Variants in FAM228B observed in about 807,000 individuals in gnomAD.
FAM228B encodes family with sequence similarity 228 member B, also known as protein FAM228B.
A neutral mutation model predicts 42.6 loss-of-function variants in FAM228B; 38 were observed. The observed-to-expected ratio is 0.89, with a 90% confidence interval of 0.69 to 1.17. FAM228B has a LOEUF of 1.17. FAM228B is among the 50% of genes most tolerant of loss of function. The probability of loss-of-function intolerance (pLI) is 0.00; values close to 1 mark genes in which losing one functional copy is unlikely to be tolerated. For missense variants in FAM228B, 344 were observed against 367.3 expected (o/e 0.94, Z 0.52); for synonymous variants, 109 against 122.3 (o/e 0.89, Z 0.72).
intron 3 of FAM228B, among the ~76,000 whole-genome samples, chr2:24,137,016 C>G (rs1171900593): frequency 6.6e-6 from 1 of 152,134 alleles, no homozygotes; most frequent in Non-Finnish European, 1.5e-5. Context: ...ATGTGGAATC[C>G]TGTACTATTT....
intron 3 of FAM228B, among the ~76,000 whole-genome samples, chr2:24,104,547 C>A (rs778520568): frequency 6.6e-6 from 1 of 152,108 alleles, no homozygotes; most frequent in African/African-American, 2.4e-5. Flanking sequence ...GGTAGCCAGG[C>A]GGGCAACACC....
At chr2:24,158,008 A>T (rs1255182421) in intron 7 of FAM228B, among the ~76,000 whole-genome samples, 1 of 152,078 alleles carries the variant, frequency 6.6e-6, no homozygotes, top group Non-Finnish European at 1.5e-5. Context: ...ATGTCATGTT[A>T]CTGCCCAACT....
intron 5 of FAM228B, among the ~76,000 whole-genome samples, chr2:24,141,227 A>G (rs1666738177): frequency 6.6e-6 from 1 of 151,672 alleles, no homozygotes; most frequent in Non-Finnish European, 1.5e-5. Flanking sequence ...GGCACACGCC[A>G]CCAGGCCTGG....
intron 5 of FAM228B, among the ~76,000 whole-genome samples, chr2:24,144,960 C>T (rs933398935): frequency 6.6e-5 from 10 of 152,214 alleles, no homozygotes; most frequent in Admixed American, 3.3e-4. Context: ...CTCCTGCACG[C>T]GCCAACTGGT....
intron 7 of FAM228B, among the ~76,000 whole-genome samples, chr2:24,160,469 C>A (rs1337755590): frequency 6.6e-6 from 1 of 152,080 alleles, no homozygotes; most frequent in Non-Finnish European, 1.5e-5. Context: ...ATTAGGCCTT[C>A]TTATTATCTT....
chr2:24,157,140 T>C (rs1667168254), intron 7 of FAM228B, among the ~76,000 whole-genome samples: 1 of 152,216 alleles, frequency 6.6e-6, no homozygotes, highest in Non-Finnish European at 1.5e-5. Context: ...GTTTTGAGGG[T>C]TCCTTTTGGA....
chr2:24,089,966 TAAAAAAAAAGAAAAA>T (rs1665348232), intron 2 of FAM228B, among the ~76,000 whole-genome samples: 1 of 21,272 alleles, frequency 4.7e-5, no homozygotes, highest in African/African-American at 1.8e-4. Flanking sequence ...AAACTCCGTC[TAAAAAAAAAGAAAAA>T]AAAAAAAAAA....
In FAM228B at chr2:24,084,195, T is replaced by G. The variant is rs1052285904; in HGVS notation, c.-210+3240T>G. 1 of 1,612,134 alleles carries G rather than the reference T, an allele frequency of 6.2e-7. No homozygotes were observed. Among genetic ancestry groups the G allele is most frequent in the African/African-American group, 1.3e-5 (1 of 74,862 alleles). Reference sequence around the variant, plus strand: ...GCGGCTGAGCCCTGGGTACCTGCATTAAGTCCGCCCGGTTCAGGGCGCTGG... The same window carrying G: ...GCGGCTGAGCCCTGGGTACCTGCATGAAGTCCGCCCGGTTCAGGGCGCTGG... On this transcript the variant is annotated intron_variant, in intron 2 of 10. Coordinates refer to the FAM228B transcript ENST00000613899. This position sits in a 1 kb window ranked among gnomAD's most constrained non-coding sequence, Gnocchi z 8.4.
intron 1 of FAM228B, chr2:24,079,654 C>T (rs1272003640): frequency 1.9e-6 from 3 of 1,611,616 alleles, no homozygotes; most frequent in Admixed American, 1.7e-5. Context: ...CCATAGGAAA[C>T]AGATTTGTGA....
At chr2:24,151,219 T>C (rs1667013392) in intron 7 of FAM228B, among the ~76,000 whole-genome samples, 1 of 152,194 alleles carries the variant, frequency 6.6e-6, no homozygotes, top group African/African-American at 2.4e-5. Context: ...ATTAAAAGAC[T>C]CTGATGTATT....
chr2:24,088,533 T>C (rs1665312806), intron 2 of FAM228B, among the ~76,000 whole-genome samples: 1 of 152,018 alleles, frequency 6.6e-6, no homozygotes, highest in Non-Finnish European at 1.5e-5. Context: ...GCATATTTAG[T>C]AGAGACAGGG....
chr2:24,083,275 G>T, intron 2 of FAM228B: 1 of 1,290,248 alleles, frequency 7.8e-7, no homozygotes, highest in Non-Finnish European at 1.1e-6. Context: ...ATGAAGTCAG[G>T]TTTTTGTAAG....
chr2:24,109,153 A>C (rs1189465211), intron 3 of FAM228B, among the ~76,000 whole-genome samples: 2 of 110,554 alleles, frequency 1.8e-5, no homozygotes, highest in East Asian at 2.4e-4. Context: ...CAAAGTTGAC[A>C]AAAAAAAAGA....
intron 3 of FAM228B, among the ~76,000 whole-genome samples, chr2:24,135,639 A>G (rs1302256889): frequency 6.6e-6 from 1 of 152,134 alleles, no homozygotes; most frequent in Non-Finnish European, 1.5e-5. Flanking sequence ...TATTTTTAAG[A>G]AATTTCTTTA....
chr2:24,164,381 C>T (rs200829773), intron 9 of FAM228B, 46 bp downstream of exon 9: 64 of 1,511,238 alleles, frequency 4.2e-5, no homozygotes, highest in Non-Finnish European at 1.7e-5. Context: ...AGGTGGCAAT[C>T]GCTGATACCA....
intron 7 of FAM228B, among the ~76,000 whole-genome samples, chr2:24,153,786 C>T (rs1412456973): frequency 6.6e-6 from 1 of 152,206 alleles, no homozygotes; most frequent in Non-Finnish European, 1.5e-5. Context: ...GAATTACAGT[C>T]CTTGTTCCTA....
intron 5 of FAM228B, among the ~76,000 whole-genome samples, chr2:24,145,518 A>G (rs1666873015): frequency 6.6e-6 from 1 of 152,166 alleles, no homozygotes; most frequent in Non-Finnish European, 1.5e-5. Flanking sequence ...AGAAGCCTCC[A>G]TTACCCCAGA....
rs1665866066 is a variant in FAM228B at position 24,114,912 on chromosome 2, T to G, written c.-121+19683T>G. Among the ~76,000 whole-genome samples, 3 of 152,176 alleles carry G rather than the reference T, an allele frequency of 2.0e-5. No homozygotes were observed. In the South Asian group the frequency reaches 6.2e-4, roughly 32 times the overall value. ...AGAGTTAGGGTTAGAGTCAGAAATC[T>G]TTTTGAGTTGATTTTTGAGAAGGCC... On this transcript the variant is annotated intron_variant, in intron 3 of 10. Transcript: ENST00000613899.
intron 8 of FAM228B, among the ~76,000 whole-genome samples, chr2:24,162,175 G>GA (rs907095077): frequency 2.0e-5 from 3 of 151,710 alleles, no homozygotes; most frequent in Admixed American, 6.6e-5. Flanking sequence ...CACAGAAATG[G>GA]AAAAAAAATT....
Sources: allele counts gnomAD v4.1 joint callset (sites outside exome capture counted in the v4.1 genomes callset), GRCh38; gene constraint gnomAD v4.1.1; non-coding constraint Gnocchi (gnomAD v3.1); transcripts MANE v1.5; gene names NCBI Gene and HGNC (gene_info 2026-07-23, HGNC 2026-07-21).